ARHGEF10L: variants seen among roughly 807,000 people sequenced by gnomAD.
ARHGEF10L encodes Rho guanine nucleotide exchange factor 10 like.
Under a neutral mutation model 141.2 loss-of-function variants are expected in ARHGEF10L, and 69 were observed. The observed-to-expected ratio is 0.49, with a 90% CI of 0.40 to 0.60. ARHGEF10L has a LOEUF of 0.60. ARHGEF10L is among the 20% of genes least tolerant of loss of function. The pLI is 0.00. For missense variants in ARHGEF10L, 1,482 were observed against 1,734.3 expected (o/e 0.85, Z 2.58); for synonymous variants, 711 against 718.5 (o/e 0.99, Z 0.17).
rs2076649145 is a variant in ARHGEF10L at position 17,539,838 on chromosome 1, C to T, written c.-156C>T. The T allele has an allele frequency of 1.4e-5, 2 of 147,166 alleles. No individual in the cohort carries two copies. The highest frequency in any genetic ancestry group is 1.4e-4 in the Admixed American group (2 of 14,774). 9.1% of individuals were successfully genotyped at this position (147,166 alleles called of 1,614,324 possible). A position where few individuals can be genotyped will look rare whatever the true frequency, so the allele number is the denominator to read the frequency against. On this transcript the variant is annotated 5_prime_UTR_variant, in exon 1 of 29. Coordinates refer to ENST00000361221, the MANE Select transcript of ARHGEF10L (RefSeq NM_018125.4). The surrounding 1 kb of genome is among the most constrained non-coding windows in gnomAD (Gnocchi z 6.0). ...GGCGGCGGCTGCGGCGGTGGGGGCGCCGTCCCGGCCATGGGCGCCCGCGGC... is the reference window on the plus strand; with the variant it reads ...GGCGGCGGCTGCGGCGGTGGGGGCGTCGTCCCGGCCATGGGCGCCCGCGGC...
At chr1:17,576,308 A>G (rs551466952) in intron 1 of ARHGEF10L, among the ~76,000 whole-genome samples, 4 of 152,116 alleles carry the variant, frequency 2.6e-5, no homozygotes, top group Admixed American at 2.6e-4. Flanking sequence ...TAGCCAAGCC[A>G]GGAAGACACC....
At chr1:17,544,761 C>A (rs564248197) in intron 1 of ARHGEF10L, among the ~76,000 whole-genome samples, 2 of 151,850 alleles carry the variant, frequency 1.3e-5, no homozygotes, top group Non-Finnish European at 2.9e-5. Context: ...TGAAGAAATA[C>A]CTGAGACTAG....
rs147188727 is a variant in ARHGEF10L at position 17,541,310 on chromosome 1, G to C, written c.-44+1360G>C. 4.0e-3 allele frequency among the ~76,000 whole-genome samples: 607 copies of C among 152,284 alleles called. 5 individuals are homozygous for C. Among genetic ancestry groups the C allele is most frequent in the African/African-American group, 0.014 (580 of 41,564 alleles). On this transcript the variant is annotated intron_variant, in intron 1 of 28. Transcript: ENST00000361221. ...CTCTGAGGGTTCCTGCCCCAGTTGT[G>C]GGGGCGGGGGGCTTTTTTCAGTCTT...
At chr1:17,602,263 C>T in intron 5 of ARHGEF10L, 45 bp downstream of exon 5, 1 of 1,538,520 alleles carries the variant, frequency 6.5e-7, no homozygotes, top group Non-Finnish European at 8.8e-7. Flanking sequence ...GTAGCAAGCT[C>T]CAGGATATTC....
intron 28 of ARHGEF10L, 107 bp from the exon 29 acceptor site, chr1:17,696,741 A>AC (rs1251261964): frequency 2.2e-5 from 24 of 1,115,702 alleles, no homozygotes; most frequent in African/African-American, 4.7e-5. Flanking sequence ...GACAGAAGTG[A>AC]CCCCCCCAAA....
At position 17,695,171 on chromosome 1, in the gene ARHGEF10L, G is replaced by A. The variant is rs2065403918; in HGVS notation, c.3198G>A (p.Leu1066=). ...CTCTTTCTGCAGGCCAGAAGCACTT[G>A]TGTGTCACCAGCCTCCTGATCTGCC... is the stretch of plus-strand genomic sequence containing the variant. ...TTFLLPGQKH[L]CVTSLLICQG... The change falls in exon 28 of 29, where the codon TTG becomes TTA. Residue 1066 remains leucine, a synonymous_variant. Transcript: ENST00000361221. 5 of 1,612,900 alleles carry A rather than the reference G, an allele frequency of 3.1e-6. No individual in the cohort carries two copies. The highest frequency in any genetic ancestry group is 4.2e-6 in the Non-Finnish European group (5 of 1,179,980).
upstream of ARHGEF10L, among the ~76,000 whole-genome samples, chr1:17,536,992 C>A (rs2076585148): frequency 6.6e-6 from 1 of 152,070 alleles, no homozygotes; most frequent in South Asian, 2.1e-4. Context: ...ACCTCAGCCA[C>A]CTGAGTAGCT....
At chr1:17,690,993 G>T in intron 27 of ARHGEF10L, 2 of 323,668 alleles carry the variant, frequency 6.2e-6, no homozygotes, top group East Asian at 1.0e-4. Flanking sequence ...CCTACACTAA[G>T]TGTGGATTTT....
At chr1:17,542,724 A>G (rs193124797) in intron 1 of ARHGEF10L, among the ~76,000 whole-genome samples, 1 of 152,192 alleles carries the variant, frequency 6.6e-6, no homozygotes, top group African/African-American at 2.4e-5. Flanking sequence ...ACAACACCCT[A>G]GTAGTTAGGC....
chr1:17,620,849 C>G (rs2060070379), intron 10 of ARHGEF10L, among the ~76,000 whole-genome samples: 1 of 152,166 alleles, frequency 6.6e-6, no homozygotes. Context: ...AATAGAGCCA[C>G]CTGGGAAGAT....
intron 16 of ARHGEF10L, among the ~76,000 whole-genome samples, chr1:17,633,406 T>A (rs2060817408): frequency 1.3e-5 from 2 of 152,340 alleles, no homozygotes; most frequent in South Asian, 4.1e-4. Context: ...TGCAATGGCA[T>A]GATCTCGGTT....
intron 1 of ARHGEF10L, among the ~76,000 whole-genome samples, chr1:17,574,553 C>T (rs934207327): frequency 2.6e-5 from 4 of 152,160 alleles, no homozygotes; most frequent in Admixed American, 2.0e-4. Flanking sequence ...GCACAGGAGG[C>T]GCAGAGGGCT....
At chr1:17,647,351 A>G (rs947957597) in intron 21 of ARHGEF10L, among the ~76,000 whole-genome samples, 5 of 152,186 alleles carry the variant, frequency 3.3e-5, no homozygotes, top group Admixed American at 3.3e-4. Context: ...AGACTAAGCC[A>G]GGGCATAGAC....
rs2062259300 is a variant in ARHGEF10L, at chr1:17,656,447, TGA to T, written c.2706-103_2706-102del. The stretch of plus-strand genomic sequence containing the variant: ...TGGCCACACAGCCGAAAGGCGTGGC[TGA>T]GAGGGGTCAGCTCCCTGGGGCCCTC... On this transcript the variant is annotated intron_variant, in intron 24 of 28. Coordinates refer to ENST00000361221, the MANE Select transcript of ARHGEF10L (RefSeq NM_018125.4). The surrounding 1 kb of genome is among the most constrained non-coding windows in gnomAD (Gnocchi z 4.9). The T allele has an allele frequency of 7.2e-7, 1 of 1,385,326 alleles. No individual in the cohort carries two copies. Among genetic ancestry groups the T allele is most frequent in the Non-Finnish European group, 9.9e-7 (1 of 1,010,926 alleles). The allele number at this position is 1,385,326 out of a possible 1,614,324, so 85.8% of individuals were successfully genotyped here.
chr1:17,569,060 C>T (rs1228684327), intron 1 of ARHGEF10L, among the ~76,000 whole-genome samples: 1 of 152,192 alleles, frequency 6.6e-6, no homozygotes, highest in Non-Finnish European at 1.5e-5. Context: ...AATCATGGAT[C>T]CACCTTTGAT....
chr1:17,634,851 A>G lies in ARHGEF10L; in HGVS notation c.1762A>G (p.Ser588Gly), dbSNP rs547329868. ...TTCCAACAGGGGCCAGCTGGAGATC[A>G]GCAGCCTGGTGCCCCTGGGGCCCAA... ...PANHRGQLEI[S>G]SLVPLGPKYV... Residue 588 changes from serine (S) to glycine (G), a missense_variant, in exon 18 of 29, where the codon AGC becomes GGC. This residue lies in a region of ARHGEF10L where 858 missense variants were observed against 966.3 expected (regional missense o/e 0.89). Transcript: ENST00000361221. 1.9e-6 allele frequency: 3 copies of G among 1,613,552 alleles called. No individual in the cohort carries two copies. In the African/African-American group the frequency reaches 4.0e-5, roughly 22 times the overall value.
In ARHGEF10L at chr1:17,639,617, G is replaced by A; in HGVS notation, c.2172-585G>A. The A allele has an allele frequency of 2.8e-6, 1 of 363,338 alleles. No homozygotes were observed. The highest frequency in any genetic ancestry group is 5.5e-6 in the Non-Finnish European group (1 of 183,460). 22.5% of individuals were successfully genotyped at this position (363,338 alleles called of 1,614,324 possible). On this transcript the variant is annotated intron_variant, in intron 20 of 28. Transcript: ENST00000361221. This position sits in a 1 kb window ranked among gnomAD's most constrained non-coding sequence, Gnocchi z 4.3. ...CCCTAGAGGCTTGTGACACTGCCCT[G>A]CCCACCTCCCAAAGGGCTGGGAAGG...
At chr1:17,568,537 T>C (rs1384501385) in intron 1 of ARHGEF10L, among the ~76,000 whole-genome samples, 2 of 152,136 alleles carry the variant, frequency 1.3e-5, no homozygotes, top group Non-Finnish European at 2.9e-5. Flanking sequence ...AGAAATGACC[T>C]GGAGTAGAGT....
intron 16 of ARHGEF10L, 43 bp downstream of exon 16, chr1:17,632,509 A>G: frequency 6.2e-7 from 1 of 1,612,564 alleles, no homozygotes. Flanking sequence ...CCCTCCCTGG[A>G]GACCCCATCC....
Sources: gnomAD v4.1 joint callset for allele counts (sites outside exome capture counted in the v4.1 genomes callset) on GRCh38, gnomAD v4.1.1 for gene constraint, gnomAD v4.1.1 regional missense constraint, Gnocchi (gnomAD v3.1) non-coding constraint, MANE v1.5 for transcripts, NCBI Gene and HGNC (gene_info 2026-07-23, HGNC 2026-07-21) for gene names.